Variants in PHAF1 observed in about 807,000 individuals in gnomAD.
The protein encoded by PHAF1 is phagosome assembly factor 1.
Under a neutral mutation model 63.1 loss-of-function variants are expected in PHAF1, and 23 were observed. The observed-to-expected ratio is 0.36, with a 90% CI of 0.26 to 0.52. PHAF1 has a LOEUF of 0.52. Among genes scored for constraint, PHAF1 ranks in the 20% least tolerant of loss-of-function variants. The pLI, the probability that PHAF1 is intolerant of heterozygous loss-of-function variation, is 0.93. For synonymous variants in PHAF1, 167 were observed against 185.0 expected (o/e 0.90, Z 0.79); for missense variants, 427 against 517.2 (o/e 0.83, Z 1.69).
chr16:67,117,800 G>A (rs183368725), intron 1 of PHAF1, among the ~76,000 whole-genome samples: 5 of 146,012 alleles, frequency 3.4e-5, no homozygotes, highest in African/African-American at 7.5e-5. Flanking sequence ...GGAATGCCTC[G>A]CCCTGTTGCT....
At chr16:67,111,075 A>G (rs1181173377) in intron 1 of PHAF1, among the ~76,000 whole-genome samples, 3 of 152,150 alleles carry the variant, frequency 2.0e-5, no homozygotes, top group Non-Finnish European at 4.4e-5. Flanking sequence ...CGGCCTCCCA[A>G]AGTGCTGGGA....
At chr16:67,116,508 C>T (rs1962736915) in intron 1 of PHAF1, among the ~76,000 whole-genome samples, 1 of 152,192 alleles carries the variant, frequency 6.6e-6, no homozygotes, top group Non-Finnish European at 1.5e-5. Flanking sequence ...TTTCTCTTGT[C>T]ACCCACTCTA....
chr16:67,146,105 G>C (rs878895597), intron 14 of PHAF1, among the ~76,000 whole-genome samples, 173 bp from the exon 15 acceptor site: 1 of 152,112 alleles, frequency 6.6e-6, no homozygotes, highest in Non-Finnish European at 1.5e-5. Flanking sequence ...ATTCTGAGTT[G>C]AGTGAGACCA....
chr16:67,123,541 C>T lies in PHAF1; in HGVS notation c.148-2418C>T, dbSNP rs146030076. On this transcript the variant is annotated intron_variant, in intron 2 of 15. Coordinates refer to ENST00000219139, the MANE Select transcript of PHAF1 (RefSeq NM_025187.5). Reference sequence around the variant, plus strand: ...GCAGTGAGCCAAGATCGTGCCACTGCGCTCCTAGGCAACAGAGTGAGACTC... The same window carrying T: ...GCAGTGAGCCAAGATCGTGCCACTGTGCTCCTAGGCAACAGAGTGAGACTC... 3.2e-4 allele frequency among the ~76,000 whole-genome samples: 49 copies of T among 152,170 alleles called. No homozygotes were observed. The East Asian group carries it at 8.1e-3, about 25-fold the overall frequency.
chr16:67,122,534 G>A (rs1397042299), intron 2 of PHAF1, among the ~76,000 whole-genome samples: 2 of 144,452 alleles, frequency 1.4e-5, no homozygotes, highest in African/African-American at 5.2e-5. Flanking sequence ...TTGTATCACT[G>A]CACTTCAGCC....
At chr16:67,140,412 G>A in intron 9 of PHAF1, 99 bp from the exon 10 acceptor site, 1 of 1,110,958 alleles carries the variant, frequency 9.0e-7, no homozygotes, top group South Asian at 1.4e-5. Flanking sequence ...TTGTTCCGCA[G>A]CTTAATGTTA....
intron 1 of PHAF1, among the ~76,000 whole-genome samples, chr16:67,114,932 A>G (rs1479763102): frequency 1.3e-5 from 2 of 152,252 alleles, no homozygotes; most frequent in African/African-American, 4.8e-5. Context: ...ATCACTTTTA[A>G]TCTGTTGGCT....
intron 2 of PHAF1, among the ~76,000 whole-genome samples, chr16:67,121,020 C>T (rs1962946572): frequency 6.6e-6 from 1 of 152,086 alleles, no homozygotes; most frequent in Non-Finnish European, 1.5e-5. Context: ...CATGTTGTAC[C>T]CCTCTACCAG....
rs1338812139 is a variant in PHAF1, at chr16:67,116,014, T to C, written c.65-4098T>C. Among the ~76,000 whole-genome samples the C allele has an allele frequency of 3.9e-5, 6 of 152,198 alleles. No homozygotes were observed. The East Asian group carries it at 1.2e-3, about 29-fold the overall frequency. ...TGAAAAAAAGAAAAAGAAACTGGCA[T>C]GTGCCACGTGGATCAGAGAAGCCAT... On this transcript the variant is annotated intron_variant, in intron 1 of 15. Transcript: ENST00000219139.
At chr16:67,114,002 A>G (rs961853681) in intron 1 of PHAF1, among the ~76,000 whole-genome samples, 4 of 152,222 alleles carry the variant, frequency 2.6e-5, no homozygotes, top group African/African-American at 9.6e-5. Flanking sequence ...GGGCCCTGAA[A>G]TGTTTTCAAT....
chr16:67,145,406 C>A lies in PHAF1; in HGVS notation c.1037C>A (p.Thr346Lys), dbSNP rs748098061. ...GCAGATGGTCAGACAGAAACATGCACGACCTACAGCAAGGTGAGCACCTAT... is the reference window on the plus strand; with the variant it reads ...GCAGATGGTCAGACAGAAACATGCAAGACCTACAGCAAGGTGAGCACCTAT... ...ENADGQTETC[T>K]TYSKWDNIQE... Residue 346 changes from threonine to lysine, a missense_variant, in exon 13 of 16, where the codon ACG becomes AAG. By Grantham distance (78) the Thr-to-Lys change is moderately conservative. Transcript: ENST00000219139. 4 of 1,614,136 alleles carry A rather than the reference C, an allele frequency of 2.5e-6. No homozygotes were observed. The highest frequency in any genetic ancestry group is 3.4e-6 in the Non-Finnish European group (4 of 1,180,012).
chr16:67,144,190 G>T (rs1195563976), intron 10 of PHAF1, 104 bp from the exon 11 acceptor site: 8 of 747,740 alleles, frequency 1.1e-5, no homozygotes, highest in Non-Finnish European at 1.9e-5. Context: ...AGGCATTCTT[G>T]CTGTGGAGTG....
rs548467405 is a variant in PHAF1 at position 67,126,048 on chromosome 16, T to C, written c.231+6T>C. 3 of 1,598,950 alleles carry C rather than the reference T, an allele frequency of 1.9e-6. No homozygotes were observed. The highest frequency in any genetic ancestry group is 2.2e-5 in the South Asian group (2 of 90,824). On this transcript the variant is annotated splice_donor_region_variant and intron_variant, in intron 3 of 15. Transcript: ENST00000219139. ...CTTTCAATCAGAGACTTAAGGTAACTATAAATGACAACTAATGTTTCATGT... is the reference window on the plus strand; with the variant it reads ...CTTTCAATCAGAGACTTAAGGTAACCATAAATGACAACTAATGTTTCATGT...
chr16:67,132,696 C>A (rs769103806), intron 5 of PHAF1, 121 bp from the exon 6 acceptor site: 4 of 1,187,242 alleles, frequency 3.4e-6, no homozygotes, highest in Non-Finnish European at 3.8e-6. Flanking sequence ...CCTAGTAGGC[C>A]AGTTTAGAAA....
chr16:67,139,343 CTT>C (rs1164245105), intron 8 of PHAF1, among the ~76,000 whole-genome samples: 71 of 86,868 alleles, frequency 8.2e-4, no homozygotes, highest in East Asian at 2.5e-3. Flanking sequence ...ACAGCACTGC[CTT>C]TTTTTTTTTT....
intron 8 of PHAF1, among the ~76,000 whole-genome samples, chr16:67,136,810 G>A (rs1963627652): frequency 6.6e-6 from 1 of 151,768 alleles, no homozygotes; most frequent in Admixed American, 6.6e-5. Flanking sequence ...CAAACTCCTA[G>A]CCTTAAGCGG....
At chr16:67,146,451 T>C (rs2030084830) in intron 15 of PHAF1, 101 bp downstream of exon 15, 1 of 1,223,928 alleles carries the variant, frequency 8.2e-7, no homozygotes, top group Non-Finnish European at 1.2e-6. Flanking sequence ...ATCACTGCCA[T>C]AGTGGGCAGA....
At chr16:67,126,748 C>T (rs1417383846) in intron 3 of PHAF1, among the ~76,000 whole-genome samples, 1 of 151,578 alleles carries the variant, frequency 6.6e-6, no homozygotes, top group African/African-American at 2.4e-5. Context: ...GCCACCACGC[C>T]CAGCTAAATT....
chr16:67,133,577 C>CG (rs1379233174), intron 6 of PHAF1, among the ~76,000 whole-genome samples: 1 of 150,572 alleles, frequency 6.6e-6, no homozygotes, highest in African/African-American at 2.4e-5. Context: ...GAGGCCGAGG[C>CG]GGGCCTCCTG....
Sources: gnomAD v4.1 joint callset for allele counts (sites outside exome capture counted in the v4.1 genomes callset) on GRCh38, gnomAD v4.1.1 for gene constraint, MANE v1.5 for transcripts, NCBI Gene and HGNC (gene_info 2026-07-23, HGNC 2026-07-21) for gene names.